The following SYT17 variants were observed in gnomAD, a reference collection of about 807,000 sequenced individuals.
The protein encoded by SYT17 is synaptotagmin-17.
SYT17 carries 22 observed loss-of-function variants against 46.7 expected under a neutral mutation model. The observed-to-expected ratio is 0.47, with a 90% CI of 0.34 to 0.67. The LOEUF (loss-of-function observed/expected upper bound fraction) is 0.67, where lower values mean the gene tolerates loss of function less well. Among genes scored for constraint, SYT17 ranks in the 30% least tolerant of loss-of-function variants. The pLI is 0.01. For synonymous variants in SYT17, 251 were observed against 248.4 expected, an observed-to-expected ratio of 1.01 and a Z score of -0.10; for missense variants, 519 against 612.8, an observed-to-expected ratio of 0.85 and a Z score of 1.62.
intron 5 of SYT17, among the ~76,000 whole-genome samples, chr16:19,196,172 G>A (rs1352859080): frequency 6.6e-6 from 1 of 152,066 alleles, no homozygotes; most frequent in Non-Finnish European, 1.5e-5. Context: ...AATTGGCTTA[G>A]AATCTGATTT....
At chr16:19,234,556 A>G (rs570095390) in intron 7 of SYT17, among the ~76,000 whole-genome samples, 13 of 152,314 alleles carry the variant, frequency 8.5e-5, no homozygotes, top group African/African-American at 3.1e-4. Context: ...TAAATGTGAA[A>G]TATGATTGAT....
intron 5 of SYT17, among the ~76,000 whole-genome samples, chr16:19,214,400 C>T (rs1252722603): frequency 6.6e-6 from 1 of 150,570 alleles, no homozygotes. Context: ...AGTGGCACCA[C>T]CAACATTCAC....
At chr16:19,228,527 G>A (rs933765187) in intron 7 of SYT17, among the ~76,000 whole-genome samples, 3 of 152,162 alleles carry the variant, frequency 2.0e-5, no homozygotes, top group African/African-American at 7.2e-5. Flanking sequence ...ACTGCATTCC[G>A]CAGAGACTCT....
intron 5 of SYT17, among the ~76,000 whole-genome samples, chr16:19,207,475 GA>G (rs938762077): frequency 2.0e-5 from 3 of 152,102 alleles, no homozygotes; most frequent in African/African-American, 7.2e-5. Context: ...AATCACGGTG[GA>G]AGGCAAGGGG....
intron 5 of SYT17, among the ~76,000 whole-genome samples, chr16:19,195,118 C>T (rs1048188268): frequency 4.6e-5 from 7 of 152,206 alleles, no homozygotes; most frequent in Admixed American, 3.9e-4. Context: ...TCTGGGGGAG[C>T]ACTGTGAGGA....
intron 5 of SYT17, among the ~76,000 whole-genome samples, chr16:19,205,550 G>C (rs752378272): frequency 5.3e-5 from 8 of 151,392 alleles, no homozygotes; most frequent in Non-Finnish European, 4.4e-5. Flanking sequence ...AGTGATTCTC[G>C]TGCCTCAGCC....
intron 7 of SYT17, among the ~76,000 whole-genome samples, chr16:19,248,077 C>G (rs1376032662): frequency 6.6e-6 from 1 of 152,058 alleles, no homozygotes; most frequent in African/African-American, 2.4e-5. Flanking sequence ...AAAGGCACAC[C>G]GCACAAAAAG....
chr16:19,228,279 A>C (rs569706698), intron 7 of SYT17, among the ~76,000 whole-genome samples: 1 of 152,304 alleles, frequency 6.6e-6, no homozygotes, highest in South Asian at 2.1e-4. Flanking sequence ...CAGCTGGGGC[A>C]GTGGTCAGCT....
At chr16:19,256,437 AACACACACACAC>A (rs57120408) in intron 7 of SYT17, among the ~76,000 whole-genome samples, 33 of 129,030 alleles carry the variant, frequency 2.6e-4, no homozygotes, top group Middle Eastern at 3.9e-3. Flanking sequence ...CCCCTCTTCA[AACACACACACAC>A]ACACACACAC....
At chr16:19,245,317 A>C (rs1336208899) in intron 7 of SYT17, among the ~76,000 whole-genome samples, 1 of 152,142 alleles carries the variant, frequency 6.6e-6, no homozygotes, top group East Asian at 1.9e-4. Flanking sequence ...GGTGCTGCCA[A>C]ATATCCTACA....
intron 7 of SYT17, among the ~76,000 whole-genome samples, chr16:19,236,209 CTG>C (rs1195349163): frequency 1.3e-5 from 2 of 152,240 alleles, no homozygotes; most frequent in Non-Finnish European, 2.9e-5. Context: ...TTCTGTGTGA[CTG>C]TGGGCAAGTT....
chr16:19,258,953 C>T (rs148581488), intron 7 of SYT17, among the ~76,000 whole-genome samples: 1,591 of 152,320 alleles, frequency 0.01, 37 homozygotes, highest in African/African-American at 0.036. Context: ...TGGTGGATGC[C>T]TCCTACCACA....
chr16:19,225,057 G>C (rs552137989), intron 7 of SYT17, among the ~76,000 whole-genome samples: 1 of 152,314 alleles, frequency 6.6e-6, no homozygotes, highest in East Asian at 1.9e-4. Flanking sequence ...AATTTCCTCA[G>C]ACTGCCACAT....
chr16:19,168,543 T>C lies in SYT17; in HGVS notation c.-104T>C. 2 of 1,513,112 alleles carry C rather than the reference T, an allele frequency of 1.3e-6. No individual in the cohort carries two copies. Among genetic ancestry groups the C allele is most frequent in the African/African-American group, 1.4e-5 (1 of 70,464 alleles). 93.7% of individuals were successfully genotyped at this position (1,513,112 alleles called of 1,614,324 possible). On this transcript the variant is annotated 5_prime_UTR_variant, in exon 1 of 8. Transcript: ENST00000355377. This position sits in a 1 kb window ranked among gnomAD's most constrained non-coding sequence, Gnocchi z 6.9. Reference sequence around the variant, plus strand: ...CACGTCTGGGGCCACCGGCTGCCTTTTTCTTCCTTTCCCCCTTTGCTTTCT... The same window carrying C: ...CACGTCTGGGGCCACCGGCTGCCTTCTTCTTCCTTTCCCCCTTTGCTTTCT...
intron 7 of SYT17, among the ~76,000 whole-genome samples, chr16:19,253,621 T>C (rs1968349275): frequency 1.3e-5 from 2 of 150,374 alleles, no homozygotes; most frequent in Admixed American, 6.7e-5. Context: ...GCCTGGGCAA[T>C]GGAGCAAGAC....
At chr16:19,238,768 G>A (rs1369458500) in intron 7 of SYT17, among the ~76,000 whole-genome samples, 4 of 152,126 alleles carry the variant, frequency 2.6e-5, no homozygotes, top group Non-Finnish European at 5.9e-5. Context: ...TCCAGCAGAG[G>A]CCAGATTTCA....
In SYT17 at chr16:19,223,049, A is replaced by G. The variant is rs763955081; in HGVS notation, c.956A>G (p.Glu319Gly). 2 of 1,613,992 alleles carry G rather than the reference A, an allele frequency of 1.2e-6. No individual in the cohort carries two copies. Among genetic ancestry groups the G allele is most frequent in the East Asian group, 4.5e-5 (2 of 44,880 alleles). ...GATCATTTCCTTTCTCTACAGAATG[A>G]AGTGGAGCTGGGGGAGCTGCTTCTG... ...WKALIPSSQN[E>G]VELGELLLSL... The change falls in exon 6 of 8, where the codon GAA becomes GGA. Residue 319 changes from glutamate (E) to glycine (G), a missense_variant. Transcript: ENST00000355377.
At chr16:19,174,602 T>C (rs1011656456) in intron 3 of SYT17, among the ~76,000 whole-genome samples, 8 of 152,196 alleles carry the variant, frequency 5.3e-5, no homozygotes, top group Non-Finnish European at 4.4e-5. Flanking sequence ...AATATTTCCA[T>C]AGCAAAATGG....
Position 19,183,944 on chromosome 16 carries a change from A to C in SYT17, c.748A>C (p.Lys250Gln). 1 of 1,614,204 alleles carries C rather than the reference A, an allele frequency of 6.2e-7. No homozygotes were observed. Residue 250 changes from lysine (K) to glutamine (Q), a missense_variant, in exon 5 of 8, where the codon AAG becomes CAG. Transcript: ENST00000355377. The surrounding 1 kb of genome is among the most constrained non-coding windows in gnomAD (Gnocchi z 5.6). ...CTCAAAGCAGACCGGGGTCAAACGC[A>C]AGACCCAGAAGCCCGTGTTTGAGGA... ...KNSKQTGVKRKTQKPVFEERY... is the reference protein window; with the variant it reads ...KNSKQTGVKRQTQKPVFEERY...
Sources: allele counts gnomAD v4.1 joint callset (sites outside exome capture counted in the v4.1 genomes callset), GRCh38; gene constraint gnomAD v4.1.1; non-coding constraint Gnocchi (gnomAD v3.1); transcripts MANE v1.5; gene names NCBI Gene and HGNC (gene_info 2026-07-23, HGNC 2026-07-21).